The following STX17 variants were observed in gnomAD, a reference collection of about 807,000 sequenced individuals.
The protein encoded by STX17 is syntaxin 17.
A neutral mutation model predicts 35.9 loss-of-function variants in STX17; 29 were observed. The observed-to-expected ratio is 0.81, with a 90% CI of 0.60 to 1.10. The LOEUF (loss-of-function observed/expected upper bound fraction) is 1.10, where lower values mean the gene tolerates loss of function less well. Ranked by LOEUF, STX17 falls within the 50% of genes least tolerant of loss-of-function variation. The probability of loss-of-function intolerance (pLI) is 0.00; values close to 1 mark genes in which losing one functional copy is unlikely to be tolerated. For missense variants in STX17, 312 were observed against 352.3 expected (o/e 0.89, Z 0.92); for synonymous variants, 92 against 118.3 (o/e 0.78, Z 1.44).
chr9:99,924,559 C>G (rs144644587), intron 2 of STX17, among the ~76,000 whole-genome samples: 47 of 152,192 alleles, frequency 3.1e-4, no homozygotes, highest in Admixed American at 8.5e-4. Flanking sequence ...TTACTCTTAC[C>G]TACCCTATGG....
At chr9:99,937,683 T>C (rs1829264180) in intron 3 of STX17, among the ~76,000 whole-genome samples, 1 of 152,236 alleles carries the variant, frequency 6.6e-6, no homozygotes, top group Admixed American at 6.5e-5. Flanking sequence ...TATCTTTTTC[T>C]ACTAATGCTT....
chr9:99,939,612 A>G (rs1421058458), intron 3 of STX17, among the ~76,000 whole-genome samples: 1 of 152,228 alleles, frequency 6.6e-6, no homozygotes, highest in Non-Finnish European at 1.5e-5. Context: ...GAAATACAGT[A>G]TTTAGAAGGC....
At chr9:99,958,980 A>T (rs1018487330) in intron 4 of STX17, among the ~76,000 whole-genome samples, 2 of 152,216 alleles carry the variant, frequency 1.3e-5, no homozygotes, top group Non-Finnish European at 2.9e-5. Flanking sequence ...TGACAATCTT[A>T]TTATTACCAA....
chr9:99,907,458 C>T lies in STX17; in HGVS notation c.-63+752C>T, dbSNP rs150541139. 7.9e-5 allele frequency: 12 copies of T among 152,226 alleles called. No individual in the cohort carries two copies. The East Asian group carries it at 2.3e-3, about 29-fold the overall frequency. The allele number at this position is 152,226 out of a possible 1,614,324, so 9.4% of individuals were successfully genotyped here. ...GGGTCTTTCACTTATTAATAACCTCCTAAGTAACTTACTGGGAAACATGAG... is the reference window on the plus strand; with the variant it reads ...GGGTCTTTCACTTATTAATAACCTCTTAAGTAACTTACTGGGAAACATGAG... On this transcript the variant is annotated intron_variant, in intron 1 of 7. Transcript: ENST00000259400.
chr9:99,939,322 T>G (rs1829303220), intron 3 of STX17, among the ~76,000 whole-genome samples: 2 of 152,222 alleles, frequency 1.3e-5, no homozygotes, highest in Non-Finnish European at 2.9e-5. Flanking sequence ...TTTAGTTTAT[T>G]GTGAGTTAAA....
rs571339672 is a variant in STX17, at chr9:99,973,691, T to C, written c.*5018T>C. ...TTACCTCACACCCCGCACTTGATCT[T>C]CCCCCAACTTTAAGTGACTCAGTTC... On this transcript the variant is annotated 3_prime_UTR_variant, in exon 8 of 8. Coordinates refer to ENST00000259400, the MANE Select transcript of STX17 (RefSeq NM_017919.3). Among the ~76,000 whole-genome samples the C allele has an allele frequency of 6.6e-6, 1 of 152,216 alleles. No homozygotes were observed. The highest frequency in any genetic ancestry group is 1.9e-4 in the East Asian group (1 of 5,174).
chr9:99,963,858 G>C (rs1829869324), intron 6 of STX17, among the ~76,000 whole-genome samples: 1 of 151,988 alleles, frequency 6.6e-6, no homozygotes, highest in South Asian at 2.1e-4. Flanking sequence ...GGGCCTTTTT[G>C]TGTATATGAT....
At chr9:99,960,298 T>G in intron 6 of STX17, 143 bp downstream of exon 6, 1 of 845,376 alleles carries the variant, frequency 1.2e-6, no homozygotes, top group South Asian at 1.8e-5. Context: ...AGTTTAACTG[T>G]TCTCAAATTC....
chr9:99,971,283 A>T lies in STX17; in HGVS notation c.*2610A>T, dbSNP rs1830010646. Among the ~76,000 whole-genome samples the T allele has an allele frequency of 9.4e-6, 1 of 106,742 alleles. No homozygotes were observed. The highest frequency in any genetic ancestry group is 9.5e-5 in the Admixed American group (1 of 10,482). The allele number at this position is 106,742 out of a possible 152,430, so 70.0% of individuals were successfully genotyped here. A position where few individuals can be genotyped will look rare whatever the true frequency, so the allele number is the denominator to read the frequency against. Reference sequence around the variant, plus strand: ...TCATTTGGATAAAGGCAGCAATCCTAAGGACTTTTTTTTTTTTTTTAACAT... The same window carrying T: ...TCATTTGGATAAAGGCAGCAATCCTTAGGACTTTTTTTTTTTTTTTAACAT... On this transcript the variant is annotated 3_prime_UTR_variant, in exon 8 of 8. Coordinates refer to ENST00000259400, the MANE Select transcript of STX17 (RefSeq NM_017919.3).
intron 3 of STX17, among the ~76,000 whole-genome samples, chr9:99,939,904 ACTTT>A (rs1186809496): frequency 2.0e-5 from 3 of 152,196 alleles, no homozygotes; most frequent in Non-Finnish European, 4.4e-5. Flanking sequence ...GTGGGCCTGA[ACTTT>A]CTTTCTTGTT....
At chr9:99,929,431 T>C (rs1466331002) in intron 3 of STX17, among the ~76,000 whole-genome samples, 1 of 151,792 alleles carries the variant, frequency 6.6e-6, no homozygotes, top group Non-Finnish European at 1.5e-5. Flanking sequence ...TATATTTACA[T>C]GGTTTTAAAA....
intron 2 of STX17, among the ~76,000 whole-genome samples, chr9:99,925,323 A>G (rs1828966845): frequency 1.3e-5 from 2 of 152,092 alleles, no homozygotes; most frequent in African/African-American, 2.4e-5. Flanking sequence ...ACTTCTGCAT[A>G]CATTATCAGC....
intron 1 of STX17, among the ~76,000 whole-genome samples, chr9:99,908,934 G>A (rs1252904205): frequency 6.6e-6 from 1 of 152,136 alleles, no homozygotes; most frequent in Admixed American, 6.5e-5. Flanking sequence ...CAGTAGCTTT[G>A]CTTCTAGTCT....
At chr9:99,950,847 A>G (rs371946509) in intron 3 of STX17, among the ~76,000 whole-genome samples, 1 of 152,014 alleles carries the variant, frequency 6.6e-6, no homozygotes, top group East Asian at 1.9e-4. Flanking sequence ...TGAAGGAAAA[A>G]TGCTAAATAA....
chr9:99,915,205 C>T lies in STX17; in HGVS notation c.-35C>T. 6.3e-7 allele frequency: 1 copy of T among 1,593,068 alleles called. No homozygotes were observed. Among genetic ancestry groups the T allele is most frequent in the Non-Finnish European group, 8.5e-7 (1 of 1,171,308 alleles). ...TTTTCTATATGAGTGGAGAAGACAG[C>T]TGTTACCAGGGAGGTCATACAACAT... On this transcript the variant is annotated 5_prime_UTR_variant, in exon 2 of 8. Transcript: ENST00000259400.
chr9:99,919,559 T>G (rs193159719), intron 2 of STX17, among the ~76,000 whole-genome samples: 42 of 152,332 alleles, frequency 2.8e-4, no homozygotes, highest in African/African-American at 7.9e-4. Flanking sequence ...TTTTTGTCAG[T>G]TGATGTCTTC....
At chr9:99,936,158 A>G (rs1829228830) in intron 3 of STX17, among the ~76,000 whole-genome samples, 1 of 152,236 alleles carries the variant, frequency 6.6e-6, no homozygotes, top group African/African-American at 2.4e-5. Context: ...GCTATTACTA[A>G]TAAAGCTGCT....
chr9:99,916,430 T>TATTTATTC (rs1345684358), intron 2 of STX17, among the ~76,000 whole-genome samples: 8 of 80,652 alleles, frequency 9.9e-5, no homozygotes, highest in Admixed American at 2.6e-4. Context: ...TTTATTTATT[T>TATTTATTC]ATTCATTCAT....
chr9:99,910,947 A>G (rs756165235), intron 1 of STX17, among the ~76,000 whole-genome samples: 1 of 152,040 alleles, frequency 6.6e-6, no homozygotes, highest in Non-Finnish European at 1.5e-5. Context: ...TCTGGGCTCA[A>G]GTGATCCTCC....
Sources: gnomAD v4.1 joint callset for allele counts (sites outside exome capture counted in the v4.1 genomes callset) on GRCh38, gnomAD v4.1.1 for gene constraint, MANE v1.5 for transcripts, NCBI Gene and HGNC (gene_info 2026-07-23, HGNC 2026-07-21) for gene names.